PLGLB2: variants seen among roughly 807,000 people sequenced by gnomAD.
PLGLB2 encodes plasminogen like B2.
At chr2:87,750,597 C>G (rs928503161) in intron 1 of PLGLB2, among the ~76,000 whole-genome samples, 1 of 149,808 alleles carries the variant, frequency 6.7e-6, no homozygotes, top group Admixed American at 6.7e-5. Context: ...TGAGGAAGGA[C>G]GAAGTCCCAG....
intron 1 of PLGLB2, among the ~76,000 whole-genome samples, chr2:87,750,168 G>C (rs1241441760): frequency 2.0e-5 from 3 of 152,276 alleles, no homozygotes; most frequent in African/African-American, 7.2e-5. Context: ...AGCTGGGGAG[G>C]GGATCTCAGC....
intron 1 of PLGLB2, among the ~76,000 whole-genome samples, chr2:87,750,172 T>C (rs554206591): frequency 2.0e-5 from 3 of 152,384 alleles, no homozygotes; most frequent in African/African-American, 7.2e-5. Flanking sequence ...GGGGAGGGGA[T>C]CTCAGCAGCG....
At chr2:87,756,519 T>C (rs1392428202) in intron 3 of PLGLB2, 2 of 308,988 alleles carry the variant, frequency 6.5e-6, no homozygotes, top group African/African-American at 2.1e-5. Context: ...CCCTGTCTGA[T>C]TCCACTAGAA....
At chr2:87,756,351 T>C (rs1369767454) in intron 3 of PLGLB2, 1 of 132,596 alleles carries the variant, frequency 7.5e-6, no homozygotes, top group African/African-American at 2.7e-5. Context: ...TAGAAGTGGG[T>C]TGGATCTCTT....
chr2:87,753,833 AT>A lies in PLGLB2; in HGVS notation c.*1+208del, dbSNP rs1251654940. Among the ~76,000 whole-genome samples the A allele has an allele frequency of 1.4e-3, 188 of 133,082 alleles. 1 individual carries two copies. Among genetic ancestry groups the A allele is most frequent in the East Asian group, 0.013 (49 of 3,722 alleles). 87.3% of individuals were successfully genotyped at this position (133,082 alleles called of 152,430 possible). A position where few individuals can be genotyped will look rare whatever the true frequency, so the allele number is the denominator to read the frequency against. On this transcript the variant is annotated intron_variant, in intron 3 of 3. Transcript: ENST00000359481. The stretch of plus-strand genomic sequence containing the variant: ...TATATTACTTCACCTCCTAGATTTA[AT>A]TTTTTTTTGTTCAAAAAATGAAAGG...
chr2:87,750,737 G>T (rs1454802466), intron 1 of PLGLB2, among the ~76,000 whole-genome samples: 3 of 150,992 alleles, frequency 2.0e-5, no homozygotes, highest in African/African-American at 2.4e-5. Context: ...CTGTTCATTT[G>T]CCTTCCTACT....
chr2:87,754,386 TTAA>T (rs1217072514), intron 3 of PLGLB2, among the ~76,000 whole-genome samples: 5 of 28,898 alleles, frequency 1.7e-4, no homozygotes, highest in African/African-American at 5.0e-4. Context: ...ATTAAGACTG[TTAA>T]TAATAACAAT....
chr2:87,750,849 G>A (rs1684634808), intron 1 of PLGLB2, among the ~76,000 whole-genome samples: 1 of 137,302 alleles, frequency 7.3e-6, no homozygotes, highest in Non-Finnish European at 1.6e-5. Flanking sequence ...TGTCTTCAGA[G>A]CCAGGCTTGT....
intron 1 of PLGLB2, among the ~76,000 whole-genome samples, chr2:87,750,775 G>A (rs371589505): frequency 4.6e-5 from 7 of 150,642 alleles, no homozygotes; most frequent in African/African-American, 1.7e-4. Flanking sequence ...ATACAAACCA[G>A]TGCGCTCTGC....
chr2:87,752,691 G>C (rs1411517755), intron 2 of PLGLB2, among the ~76,000 whole-genome samples: 1 of 20,934 alleles, frequency 4.8e-5, no homozygotes, highest in Non-Finnish European at 6.7e-5. Flanking sequence ...TCATATGAAT[G>C]AAAGTGTCCT....
intron 1 of PLGLB2, among the ~76,000 whole-genome samples, chr2:87,750,466 G>A (rs1424292424): frequency 6.6e-6 from 1 of 151,890 alleles, no homozygotes; most frequent in Non-Finnish European, 1.5e-5. Context: ...TGGGCCTAAA[G>A]CATCTATTTC....
chr2:87,756,294 T>C (rs1205005326), intron 3 of PLGLB2: 1 of 66,058 alleles, frequency 1.5e-5, no homozygotes, highest in Non-Finnish European at 3.0e-5. Context: ...ACCACAATTT[T>C]ATAGTCCTGT....
In PLGLB2 at chr2:87,758,992, T is replaced by A. The variant is rs1374925431; in HGVS notation, c.*2174T>A. 6.9e-6 allele frequency among the ~76,000 whole-genome samples: 1 copy of A among 144,548 alleles called. No individual in the cohort carries two copies. Among genetic ancestry groups the A allele is most frequent in the African/African-American group, 2.5e-5 (1 of 40,410 alleles). The allele number at this position is 144,548 out of a possible 152,430, so 94.8% of individuals were successfully genotyped here. On this transcript the variant is annotated 3_prime_UTR_variant, in exon 4 of 4. Transcript: ENST00000359481. ...CACCTCTCGGAAAGGAGCAAAACTT[T>A]GCTCAGATCCCAGAATTAACCTGAT...
At chr2:87,750,515 T>C (rs1225260988) in intron 1 of PLGLB2, among the ~76,000 whole-genome samples, 1 of 151,922 alleles carries the variant, frequency 6.6e-6, no homozygotes, top group African/African-American at 2.4e-5. Flanking sequence ...TGCTTTTCAG[T>C]GGATTAGGTT....
At chr2:87,752,780 T>TAAA (rs770503011) in intron 2 of PLGLB2, among the ~76,000 whole-genome samples, 14 of 45,842 alleles carry the variant, frequency 3.1e-4, no homozygotes, top group African/African-American at 8.9e-4. Flanking sequence ...GATATAATGT[T>TAAA]AAAAAAAAAA....
Position 87,758,539 on chromosome 2 carries a change from ATATTAGC to A in PLGLB2, c.*1724_*1730del, listed in dbSNP as rs1475530081. Among the ~76,000 whole-genome samples the A allele has an allele frequency of 9.1e-6, 1 of 109,778 alleles. No homozygotes were observed. The highest frequency in any genetic ancestry group is 2.4e-4 in the East Asian group (1 of 4,220). The allele number at this position is 109,778 out of a possible 152,430, so 72.0% of individuals were successfully genotyped here. A position where few individuals can be genotyped will look rare whatever the true frequency, so the allele number is the denominator to read the frequency against. ...CTTGGCTGTCACAGTAGCAATGGTA[ATATTAGC>A]TACTGTGCCAGAAGCAGCCTATCAA... On this transcript the variant is annotated 3_prime_UTR_variant, in exon 4 of 4. Coordinates refer to ENST00000359481, the MANE Select transcript of PLGLB2 (RefSeq NM_002665.4).
chr2:87,756,425 CTCA>C (rs1190946013), intron 3 of PLGLB2: 3 of 174,460 alleles, frequency 1.7e-5, no homozygotes, highest in East Asian at 1.5e-4. Context: ...CTTACTCTGT[CTCA>C]TCATGTATGT....
intron 1 of PLGLB2, chr2:87,751,540 C>T (rs1225356523): frequency 6.6e-6 from 1 of 150,700 alleles, no homozygotes. Flanking sequence ...AGGATGCTTC[C>T]CACCAGTTCA....
chr2:87,750,694 G>A (rs1288403541), intron 1 of PLGLB2, among the ~76,000 whole-genome samples: 32 of 150,422 alleles, frequency 2.1e-4, no homozygotes, highest in African/African-American at 7.1e-4. Context: ...GTACCCTCAG[G>A]AGGTCAGGAC....
Sources: gnomAD v4.1 joint callset for allele counts (sites outside exome capture counted in the v4.1 genomes callset) on GRCh38, gnomAD v4.1.1 for gene constraint, MANE v1.5 for transcripts, NCBI Gene and HGNC (gene_info 2026-07-23, HGNC 2026-07-21) for gene names.